CNTN1: variants seen among roughly 807,000 people sequenced by gnomAD.
CNTN1 encodes the protein contactin 1.
A neutral mutation model predicts 126.4 loss-of-function variants in CNTN1; 38 were observed. The ratio of observed to expected loss-of-function variants is 0.30; its 90% CI spans 0.23 to 0.39. CNTN1 has a LOEUF of 0.39. CNTN1 is among the 10% of genes least tolerant of loss of function. The pLI is 1.00. For synonymous variants in CNTN1, 413 were observed against 422.6 expected (o/e 0.98, Z 0.28); for missense variants, 1,009 against 1,248.4 (o/e 0.81, Z 2.89).
At chr12:40,980,357 T>A (rs1223934411) in intron 15 of CNTN1, among the ~76,000 whole-genome samples, 1 of 150,658 alleles carries the variant, frequency 6.6e-6, no homozygotes, top group Non-Finnish European at 1.5e-5. Flanking sequence ...GCTGGGAGGA[T>A]CTCTTGAGCT....
intron 23 of CNTN1, among the ~76,000 whole-genome samples, chr12:41,038,345 A>G (rs1214326438): frequency 6.6e-6 from 1 of 151,860 alleles, no homozygotes; most frequent in Non-Finnish European, 1.5e-5. Context: ...GGCTTTGTTC[A>G]TTTTCTCAAT....
intron 6 of CNTN1, among the ~76,000 whole-genome samples, chr12:40,925,365 A>T (rs570145569): frequency 1.6e-4 from 25 of 151,604 alleles, no homozygotes; most frequent in Non-Finnish European, 3.2e-4. Context: ...TTCTAATATT[A>T]TGCCTTAAAT....
chr12:40,906,669 C>CTTTTTTTTTTTTTTTTTTTTTTTT lies in CNTN1; in HGVS notation c.-76-1679_-76-1678insTTTTTTTTTTTTTTTTTTTTTTTT, dbSNP rs111442544. Among the ~76,000 whole-genome samples the CTTTTTTTTTTTTTTTTTTTTTTTT allele has an allele frequency of 1.3e-4, 14 of 107,226 alleles. 3 individuals carry two copies. Among genetic ancestry groups the CTTTTTTTTTTTTTTTTTTTTTTTT allele is most frequent in the African/African-American group, 1.5e-4 (4 of 27,220 alleles). 70.3% of individuals were successfully genotyped at this position (107,226 alleles called of 152,430 possible). A position where few individuals can be genotyped will look rare whatever the true frequency, so the allele number is the denominator to read the frequency against. ...TTTCCTTTTAAAATTGTTTTTCATG[C>CTTTTTTTTTTTTTTTTTTTTTTTT]TTTTTTTTTGTTTTGTTTTTTTTGA... is the stretch of plus-strand genomic sequence containing the variant. On this transcript the variant is annotated intron_variant, in intron 1 of 23. Transcript: ENST00000551295.
intron 1 of CNTN1, chr12:40,763,221 CTTTATAAATTACCCAGACTG>C (rs760622228): frequency 2.6e-5 from 4 of 152,254 alleles, no homozygotes; most frequent in Non-Finnish European, 4.4e-5. Flanking sequence ...AACTCCTTCT[CTTTATAAATTACCCAGACTG>C]TTTATAAATT....
chr12:40,959,205 C>G lies in CNTN1; in HGVS notation c.1775C>G (p.Ser592Cys). The part of the protein sequence containing the change: ...TCTAQTIVDN[S>C]SASADLVVRG... ...ACTGCCCAGACAATTGTGGACAATT[C>G]TTCAGCTTCAGCTGACCTTGTAGTG... Residue 592 changes from serine to cysteine, a missense_variant, in exon 15 of 24, where the codon TCT (serine) becomes TGT (cysteine). Ser to Cys is a moderately radical substitution (Grantham distance 112). Coordinates refer to ENST00000551295, the MANE Select transcript of CNTN1 (RefSeq NM_001843.4). 1 of 1,612,726 alleles carries G rather than the reference C, an allele frequency of 6.2e-7. No homozygotes were observed.
At chr12:40,800,228 G>A (rs1940594361) in intron 1 of CNTN1, among the ~76,000 whole-genome samples, 1 of 151,868 alleles carries the variant, frequency 6.6e-6, no homozygotes, top group South Asian at 2.1e-4. Flanking sequence ...TCCTCTGCTT[G>A]CAATCACTCC....
chr12:40,719,782 A>G (rs1322721221), intron 1 of CNTN1, among the ~76,000 whole-genome samples: 1 of 152,156 alleles, frequency 6.6e-6, no homozygotes, highest in Non-Finnish European at 1.5e-5. Context: ...AAAAGAGTAG[A>G]GTTTGTTAAA....
At chr12:40,923,917 C>A (rs1301787764) in intron 5 of CNTN1, among the ~76,000 whole-genome samples, 2 of 151,308 alleles carry the variant, frequency 1.3e-5, no homozygotes, top group African/African-American at 2.4e-5. Flanking sequence ...GGAAGAGAGG[C>A]AGAAAAAAAT....
At chr12:41,011,945 A>G (rs2120709751) in intron 17 of CNTN1, among the ~76,000 whole-genome samples, 1 of 152,330 alleles carries the variant, frequency 6.6e-6, no homozygotes, top group South Asian at 2.1e-4. Flanking sequence ...CAGTATTAAG[A>G]CTAAAATTTG....
At chr12:40,855,744 C>T (rs889702138) in intron 1 of CNTN1, among the ~76,000 whole-genome samples, 10 of 152,092 alleles carry the variant, frequency 6.6e-5, no homozygotes, top group East Asian at 3.9e-4. Flanking sequence ...ATGTAACAGA[C>T]GGGCTTTTAA....
At chr12:41,065,753 C>G (rs1158826018) in intron 23 of CNTN1, among the ~76,000 whole-genome samples, 2 of 152,202 alleles carry the variant, frequency 1.3e-5, no homozygotes, top group South Asian at 2.1e-4. Context: ...GCACCATCCA[C>G]TTGGTGAGGA....
intron 1 of CNTN1, among the ~76,000 whole-genome samples, chr12:40,770,720 C>T (rs7297165): frequency 0.19 from 29,530 of 151,924 alleles, 3,226 homozygotes; most frequent in East Asian, 0.43. Flanking sequence ...AATATAATCA[C>T]AAATATTTCT....
intron 1 of CNTN1, among the ~76,000 whole-genome samples, chr12:40,700,062 A>G (rs2121105303): frequency 6.6e-6 from 1 of 152,260 alleles, no homozygotes; most frequent in Middle Eastern, 3.4e-3. Context: ...TTTTTGCTTT[A>G]AACATATTTT....
intron 16 of CNTN1, among the ~76,000 whole-genome samples, chr12:40,983,742 T>C (rs1280154271): frequency 6.8e-6 from 1 of 147,862 alleles, no homozygotes; most frequent in African/African-American, 2.5e-5. Context: ...TATATATATA[T>C]ACTATATATT....
intron 10 of CNTN1, 43 bp downstream of exon 10, chr12:40,936,948 A>C: frequency 6.2e-7 from 1 of 1,610,028 alleles, no homozygotes; most frequent in African/African-American, 1.3e-5. Flanking sequence ...GTCCCTGTTC[A>C]AGCAGTGTTT....
At chr12:41,006,405 G>A (rs1477586991) in intron 17 of CNTN1, among the ~76,000 whole-genome samples, 1 of 152,180 alleles carries the variant, frequency 6.6e-6, no homozygotes, top group African/African-American at 2.4e-5. Context: ...GGCAGGAGCA[G>A]AGGACCCCTG....
At chr12:40,738,889 C>T (rs2136377697) in intron 1 of CNTN1, among the ~76,000 whole-genome samples, 1 of 152,134 alleles carries the variant, frequency 6.6e-6, no homozygotes, top group Admixed American at 6.6e-5. Flanking sequence ...GGAGCTCAAT[C>T]TGGCAATATT....
intron 17 of CNTN1, among the ~76,000 whole-genome samples, chr12:41,010,383 T>G (rs1210105831): frequency 6.6e-6 from 1 of 152,200 alleles, no homozygotes; most frequent in Non-Finnish European, 1.5e-5. Context: ...TGCCCTGACT[T>G]GCTGCACCTA....
At chr12:41,046,848 T>TTTTTTTTTTTTTTTTTTTTTC in intron 23 of CNTN1, among the ~76,000 whole-genome samples, 1 of 92,638 alleles carries the variant, frequency 1.1e-5, no homozygotes. Flanking sequence ...TGCTTATTTC[T>TTTTTTTTTTTTTTTTTTTTTC]TTTTTTTTTT....
Sources: gnomAD v4.1 joint callset for allele counts (sites outside exome capture counted in the v4.1 genomes callset) on GRCh38, gnomAD v4.1.1 for gene constraint, MANE v1.5 for transcripts, NCBI Gene and HGNC (gene_info 2026-07-23, HGNC 2026-07-21) for gene names.